Variants in IL1RAPL2 observed in about 807,000 individuals in gnomAD.
The protein encoded by IL1RAPL2 is interleukin 1 receptor accessory protein like 2.
In IL1RAPL2, 3 loss-of-function variants were observed where a neutral mutation model predicts 44.1. The ratio of observed to expected loss-of-function variants is 0.07; its 90% CI spans 0.03 to 0.18. The LOEUF is 0.18. IL1RAPL2 is among the 10% of genes least tolerant of loss of function. The pLI is 1.00. For missense variants in IL1RAPL2, 391 were observed against 496.4 expected (o/e 0.79, Z 2.02); for synonymous variants, 181 against 178.8 (o/e 1.01, Z -0.10).
chrX:104,985,571 G>T (rs1416617830), intron 2 of IL1RAPL2, among the ~76,000 whole-genome samples: 1 of 111,874 alleles, frequency 8.9e-6, no homozygotes, highest in East Asian at 2.8e-4. Flanking sequence ...GGGATGAGTA[G>T]ATGGTTATTC....
chrX:105,477,341 G>A (rs1187325005), intron 5 of IL1RAPL2, among the ~76,000 whole-genome samples: 10 of 111,144 alleles, frequency 9.0e-5, no homozygotes, highest in East Asian at 2.8e-4. Context: ...TATTTTTATC[G>A]TATGGAGCTT....
intron 1 of IL1RAPL2, among the ~76,000 whole-genome samples, chrX:104,620,766 G>A (rs1434044069): frequency 1.9e-5 from 2 of 104,709 alleles, no homozygotes; most frequent in Admixed American, 2.1e-4. Flanking sequence ...CTTGGCTCTT[G>A]GACTGTGCTT....
At chrX:105,691,699 T>C (rs1240381408) in intron 6 of IL1RAPL2, among the ~76,000 whole-genome samples, 2 of 111,608 alleles carry the variant, frequency 1.8e-5, no homozygotes, top group African/African-American at 3.3e-5. Context: ...AATAAACATA[T>C]CCTAAAGATT....
chrX:105,164,562 A>G (rs764719345), intron 2 of IL1RAPL2, among the ~76,000 whole-genome samples: 5 of 112,476 alleles, frequency 4.4e-5, no homozygotes, highest in Admixed American at 9.4e-5. Context: ...CAGGGCAAGA[A>G]CAAGAGCTCT....
intron 2 of IL1RAPL2, among the ~76,000 whole-genome samples, chrX:104,957,497 C>T (rs1343105614): frequency 9.0e-6 from 1 of 111,209 alleles, no homozygotes; most frequent in East Asian, 2.8e-4. Flanking sequence ...CCTTTATGAA[C>T]CCATTCCACC....
chrX:105,458,385 C>T (rs2036070661), intron 5 of IL1RAPL2, among the ~76,000 whole-genome samples: 1 of 111,451 alleles, frequency 9.0e-6, no homozygotes, highest in African/African-American at 3.3e-5. Context: ...TCCAATACCA[C>T]TACAATGGCA....
At position 105,071,207 on chromosome X, in the gene IL1RAPL2, A is replaced by G. The variant is rs1475994050; in HGVS notation, c.83-124268A>G. Among the ~76,000 whole-genome samples the G allele has an allele frequency of 6.3e-5, 7 of 111,893 alleles. 1 individual carries two copies. In the South Asian group the frequency reaches 1.1e-3, roughly 18 times the overall value. On this transcript the variant is annotated intron_variant, in intron 2 of 10. Coordinates refer to ENST00000372582, the MANE Select transcript of IL1RAPL2 (RefSeq NM_017416.2). ...AAAGTGCAGGATACAAAATCAACAC[A>G]GAAAAATCAGTAGCATTTGTCTATA... is the stretch of plus-strand genomic sequence containing the variant.
At chrX:105,295,755 G>T (rs748646492) in intron 5 of IL1RAPL2, among the ~76,000 whole-genome samples, 6 of 111,374 alleles carry the variant, frequency 5.4e-5, no homozygotes, top group Non-Finnish European at 1.1e-4. Context: ...ATGGCTTGTG[G>T]TAAAAAAAAT....
intron 2 of IL1RAPL2, among the ~76,000 whole-genome samples, chrX:104,959,411 G>A (rs764907612): frequency 6.3e-5 from 7 of 111,497 alleles, no homozygotes; most frequent in African/African-American, 2.0e-4. Context: ...TACAGTTTCC[G>A]AAATCAATCT....
chrX:105,220,597 C>T (rs1200248568), intron 3 of IL1RAPL2: 13 of 366,718 alleles, frequency 3.5e-5, no homozygotes, highest in Non-Finnish European at 5.1e-5. Flanking sequence ...GGCCTCACCT[C>T]TTCAGCCAGG....
chrX:105,146,877 T>A (rs1310182682), intron 2 of IL1RAPL2, among the ~76,000 whole-genome samples: 1 of 111,885 alleles, frequency 8.9e-6, no homozygotes, highest in Admixed American at 9.5e-5. Flanking sequence ...TGGTTTGGCG[T>A]AAAAAGGCAG....
chrX:104,896,572 A>C (rs1324842661), intron 2 of IL1RAPL2, among the ~76,000 whole-genome samples: 1 of 111,351 alleles, frequency 9.0e-6, no homozygotes, highest in Admixed American at 9.5e-5. Context: ...GATTTTAAAC[A>C]CACCAATCAG....
intron 4 of IL1RAPL2, among the ~76,000 whole-genome samples, chrX:105,239,301 G>C (rs2034148912): frequency 8.9e-6 from 1 of 111,922 alleles, no homozygotes; most frequent in Admixed American, 9.5e-5. Context: ...AGCCTTTACA[G>C]TAGAATCAGT....
intron 2 of IL1RAPL2, among the ~76,000 whole-genome samples, chrX:105,104,697 G>A (rs2032715710): frequency 8.9e-6 from 1 of 111,835 alleles, no homozygotes; most frequent in Admixed American, 9.5e-5. Flanking sequence ...AGCTGTATTG[G>A]GGCCTCAGTC....
At chrX:105,473,700 A>C (rs1394005867) in intron 5 of IL1RAPL2, among the ~76,000 whole-genome samples, 1 of 112,032 alleles carries the variant, frequency 8.9e-6, no homozygotes, top group African/African-American at 3.2e-5. Flanking sequence ...ACCATAAGTA[A>C]ATAAACCATT....
intron 6 of IL1RAPL2, among the ~76,000 whole-genome samples, chrX:105,513,005 G>C (rs761597723): frequency 9.0e-5 from 10 of 110,704 alleles, no homozygotes; most frequent in African/African-American, 3.3e-4. Context: ...ACTTACGAGT[G>C]AGATCATGCA....
chrX:104,677,969 C>T (rs771115546), intron 2 of IL1RAPL2, among the ~76,000 whole-genome samples: 97 of 112,286 alleles, frequency 8.6e-4, no homozygotes, highest in Admixed American at 5.3e-3. Context: ...GCATGGTGCG[C>T]GCACCCACTG....
chrX:105,009,376 T>A (rs1449188802), intron 2 of IL1RAPL2, among the ~76,000 whole-genome samples: 2 of 108,979 alleles, frequency 1.8e-5, no homozygotes, highest in African/African-American at 6.8e-5. Flanking sequence ...TAGACTGGAT[T>A]AAGAAAATGT....
chrX:105,684,254 G>A (rs918549180), intron 6 of IL1RAPL2, among the ~76,000 whole-genome samples: 2 of 112,492 alleles, frequency 1.8e-5, no homozygotes, highest in African/African-American at 3.2e-5. Flanking sequence ...GAAGCACAAG[G>A]GGTTGGGGGA....
Sources: allele counts gnomAD v4.1 joint callset (sites outside exome capture counted in the v4.1 genomes callset), GRCh38; gene constraint gnomAD v4.1.1; transcripts MANE v1.5; gene names NCBI Gene and HGNC (gene_info 2026-07-23, HGNC 2026-07-21).